The following BCAM variants were observed in gnomAD, a reference collection of about 807,000 sequenced individuals.
BCAM encodes the protein basal cell adhesion molecule (Lutheran blood group), also known as basal cell adhesion molecule.
A neutral mutation model predicts 72.4 loss-of-function variants in BCAM; 61 were observed. That is an observed-to-expected ratio of 0.84 (90% CI 0.69 to 1.04). The LOEUF is 1.04. Ranked by LOEUF, BCAM falls within the 50% of genes least tolerant of loss-of-function variation. The probability of loss-of-function intolerance (pLI) is 0.00; values close to 1 mark genes in which losing one functional copy is unlikely to be tolerated. For synonymous variants in BCAM, 408 were observed against 384.2 expected (o/e 1.06, Z -0.73); for missense variants, 909 against 895.0 (o/e 1.02, Z -0.20).
At position 44,821,272 on chromosome 19, in the gene BCAM, C is replaced by A. The variant is rs1040761496; in HGVS notation, c.*351C>A. 4.9e-5 allele frequency: 14 copies of A among 286,074 alleles called. No homozygotes were observed. The highest frequency in any genetic ancestry group is 4.8e-4 in the Admixed American group (9 of 18,828). 17.7% of individuals were successfully genotyped at this position (286,074 alleles called of 1,614,324 possible). A position where few individuals can be genotyped will look rare whatever the true frequency, so the allele number is the denominator to read the frequency against. ...CTCCCGCCTCCCCTGCTGGTCCCCC[C>A]ACCTGACGTCTTGCTGCAGAGTCTG... On this transcript the variant is annotated 3_prime_UTR_variant, in exon 15 of 15. Coordinates refer to ENST00000270233, the MANE Select transcript of BCAM (RefSeq NM_005581.5).
rs77853124 is a variant in BCAM, at chr19:44,811,589, A to T, written c.204+243A>T. The T allele has an allele frequency of 2.1e-3, 1,086 of 516,964 alleles. 8 individuals carry two copies. Among genetic ancestry groups the T allele is most frequent in the African/African-American group, 0.019 (989 of 51,514 alleles). 32.0% of individuals were successfully genotyped at this position (516,964 alleles called of 1,614,324 possible). On this transcript the variant is annotated intron_variant, in intron 2 of 14. Coordinates refer to ENST00000270233, the MANE Select transcript of BCAM (RefSeq NM_005581.5). ...CTCTTGAGAGAGAGAACAGAGACAG[A>T]CATCAAGAAAGCAGAAGCCAGGCAC...
chr19:44,810,183 G>T (rs1267217123), intron 1 of BCAM, among the ~76,000 whole-genome samples: 1 of 152,002 alleles, frequency 6.6e-6, no homozygotes, highest in Non-Finnish European at 1.5e-5. Context: ...GTGAGGGAGG[G>T]TGGTGGTTTT....
rs1246565245 is a variant in BCAM at position 44,813,761 on chromosome 19, ACTGACCT to A, written c.784+150_784+156del. ...AAAAAAAAATGTGCTAGTGCTGGCCACTGACCTCTGACCTCAATTGGTCGCACAAGCC... is the reference window on the plus strand; with the variant it reads ...AAAAAAAAATGTGCTAGTGCTGGCCACTGACCTCAATTGGTCGCACAAGCC... On this transcript the variant is annotated intron_variant, in intron 6 of 14. Transcript: ENST00000270233. This position sits in a 1 kb window ranked among gnomAD's most constrained non-coding sequence, Gnocchi z 4.2. 4 of 1,232,884 alleles carry A rather than the reference ACTGACCT, an allele frequency of 3.2e-6. No individual in the cohort carries two copies. In the African/African-American group the frequency reaches 4.6e-5, roughly 14 times the overall value. 76.4% of individuals were successfully genotyped at this position (1,232,884 alleles called of 1,614,324 possible).
chr19:44,811,412 A>T (rs1182071212), intron 2 of BCAM, 66 bp downstream of exon 2: 11 of 1,601,456 alleles, frequency 6.9e-6, no homozygotes, highest in Middle Eastern at 1.7e-4. Context: ...TCATTCTCTC[A>T]TCAGTGCCTA....
intron 11 of BCAM, 73 bp from the exon 12 acceptor site, chr19:44,819,273 G>A (rs973516903): frequency 4.6e-5 from 74 of 1,610,214 alleles, no homozygotes; most frequent in Non-Finnish European, 5.4e-5. Flanking sequence ...CTGGGAGACT[G>A]GACGTCGTTC....
rs142529933 is a variant in BCAM, at chr19:44,819,673, C to G, written c.1710C>G (p.Cys570Trp). The change falls in exon 13 of 15, where the codon TGC (cysteine) becomes TGG (tryptophan). Residue 570 changes from cysteine to tryptophan, a missense_variant. Transcript: ENST00000270233. ...TCCTCGTCGTTGCTGTCTTCTACTG[C>G]GTGAGACGCAAAGGGGGCCCCTGCT... The part of the protein sequence containing the change: ...LLLLVVAVFY[C>W]VRRKGGPCCR... 2 of 1,613,118 alleles carry G rather than the reference C, an allele frequency of 1.2e-6. No homozygotes were observed. The highest frequency in any genetic ancestry group is 2.2e-5 in the East Asian group (1 of 44,866).
At chr19:44,820,576 C>A in intron 13 of BCAM, 129 bp from the exon 14 acceptor site, 1 of 1,284,730 alleles carries the variant, frequency 7.8e-7, no homozygotes, top group Non-Finnish European at 9.8e-7. Flanking sequence ...GCCATCCCCA[C>A]CCAGCACACC....
chr19:44,815,326 C>T (rs1968490729), intron 8 of BCAM, among the ~76,000 whole-genome samples: 2 of 152,156 alleles, frequency 1.3e-5, no homozygotes, highest in South Asian at 4.1e-4. Context: ...TCATTCGCAT[C>T]CAGGCCCTGG....
In BCAM at chr19:44,811,752, G is replaced by T. The variant is rs969307932; in HGVS notation, c.204+406G>T. On this transcript the variant is annotated intron_variant, in intron 2 of 14. Coordinates refer to ENST00000270233, the MANE Select transcript of BCAM (RefSeq NM_005581.5). ...ATACAAAAATTAGCTGGGCGTGATG[G>T]CATGTGCCTGTAATCCCAGCTACTC... 5.1e-4 allele frequency: 160 copies of T among 313,928 alleles called. 1 individual carries two copies. Among genetic ancestry groups the T allele is most frequent in the South Asian group, 2.4e-3 (68 of 28,664 alleles). The allele number at this position is 313,928 out of a possible 1,614,324, so 19.4% of individuals were successfully genotyped here.
intron 8 of BCAM, among the ~76,000 whole-genome samples, chr19:44,817,977 G>C (rs773091586): frequency 6.6e-5 from 10 of 152,202 alleles, no homozygotes; most frequent in Non-Finnish European, 1.5e-4. Context: ...CAGAGGATTT[G>C]TCCTGGGAGC....
rs1188055577 is a variant in BCAM, at chr19:44,812,026, G to T, written c.205-137G>T. The stretch of plus-strand genomic sequence containing the variant: ...GAATGGGGGCAGGAGAAGGTGGGGA[G>T]GGACAGAGGGACCAGGGAGACCCAT... On this transcript the variant is annotated intron_variant, in intron 2 of 14. Transcript: ENST00000270233. This position sits in a 1 kb window ranked among gnomAD's most constrained non-coding sequence, Gnocchi z 5.3. 1 of 802,126 alleles carries T rather than the reference G, an allele frequency of 1.2e-6. No individual in the cohort carries two copies. The highest frequency in any genetic ancestry group is 1.8e-5 in the African/African-American group (1 of 56,934). The allele number at this position is 802,126 out of a possible 1,614,324, so 49.7% of individuals were successfully genotyped here.
At chr19:44,810,862 G>A (rs181360652) in intron 1 of BCAM, among the ~76,000 whole-genome samples, 1 of 152,254 alleles carries the variant, frequency 6.6e-6, no homozygotes, top group Admixed American at 6.5e-5. Context: ...GAGACCCAGA[G>A]ATGCAGGGAG....
intron 8 of BCAM, among the ~76,000 whole-genome samples, chr19:44,816,819 A>G (rs2122562128): frequency 6.6e-6 from 1 of 152,154 alleles, no homozygotes; most frequent in South Asian, 2.1e-4. Flanking sequence ...GGTGCCTGTA[A>G]TCCCAGCTAC....
chr19:44,813,456 G>GCACGGTCC lies in BCAM; in HGVS notation c.621_628dup (p.Arg210ProfsTer108). The stretch of plus-strand genomic sequence containing the variant: ...CTCCCAGAGGGCTACATGACCAGCC[G>GCACGGTCC]CACGGTCCGGGAGGCCTCGGGCCTG... On this transcript the variant is annotated frameshift_variant, in exon 6 of 15. Coordinates refer to ENST00000270233, the MANE Select transcript of BCAM (RefSeq NM_005581.5). LOFTEE classifies it high-confidence loss of function. The surrounding 1 kb of genome is among the most constrained non-coding windows in gnomAD (Gnocchi z 4.2). 6.2e-7 allele frequency: 1 copy of GCACGGTCC among 1,611,032 alleles called. No individual in the cohort carries two copies. Among genetic ancestry groups the GCACGGTCC allele is most frequent in the Non-Finnish European group, 8.5e-7 (1 of 1,179,534 alleles).
chr19:44,813,550 C>T lies in BCAM; in HGVS notation c.714C>T (p.Ala238=), dbSNP rs3810140. Reference sequence around the variant, plus strand: ...ACCGAGACGCCAGCTTCCACTGCGCCGCCCACTACAGCCTGCCCGAGGGCC... The same window carrying T: ...ACCGAGACGCCAGCTTCCACTGCGCTGCCCACTACAGCCTGCCCGAGGGCC... The part of the protein sequence containing the change: ...KDDRDASFHC[A]AHYSLPEGRH... Residue 238 remains alanine, a synonymous_variant, in exon 6 of 15, where the codon GCC becomes GCT. Coordinates refer to ENST00000270233, the MANE Select transcript of BCAM (RefSeq NM_005581.5). The surrounding 1 kb of genome is among the most constrained non-coding windows in gnomAD (Gnocchi z 4.2). 109,303 of 1,612,542 alleles carry T rather than the reference C, an allele frequency of 0.068. 4,688 individuals are homozygous for T. Among genetic ancestry groups the T allele is most frequent in the South Asian group, 0.18 (16,199 of 91,070 alleles).
intron 1 of BCAM, among the ~76,000 whole-genome samples, chr19:44,810,590 C>A (rs970939594): frequency 1.3e-5 from 2 of 152,096 alleles, no homozygotes; most frequent in Non-Finnish European, 2.9e-5. Context: ...AGATGGAGAC[C>A]CAAGAGGAGA....
Position 44,812,061 on chromosome 19 carries a change from A to G in BCAM, c.205-102A>G, listed in dbSNP as rs1968428295. ...GACCAGGGAGACCCATAACAAGAGGAAAAGAGGCAGAGCCAGGAGCTGCAG... is the reference window on the plus strand; with the variant it reads ...GACCAGGGAGACCCATAACAAGAGGGAAAGAGGCAGAGCCAGGAGCTGCAG... On this transcript the variant is annotated intron_variant, in intron 2 of 14. Coordinates refer to ENST00000270233, the MANE Select transcript of BCAM (RefSeq NM_005581.5). This position sits in a 1 kb window ranked among gnomAD's most constrained non-coding sequence, Gnocchi z 5.3. 3 of 1,171,980 alleles carry G rather than the reference A, an allele frequency of 2.6e-6. No individual in the cohort carries two copies. The highest frequency in any genetic ancestry group is 2.8e-5 in the South Asian group (2 of 72,088). The allele number at this position is 1,171,980 out of a possible 1,614,324, so 72.6% of individuals were successfully genotyped here.
In BCAM at chr19:44,814,737, A is replaced by G. The variant is rs1221452837; in HGVS notation, c.1055A>G (p.Lys352Arg). ...YDAADDVQLS[K>R]TLELRVAYLD... Reference sequence around the variant, plus strand: ...GCGGCAGATGACGTGCAGCTCTCCAAGACGCTGGAGCTGCGCGTGGCCTGT... The same window carrying G: ...GCGGCAGATGACGTGCAGCTCTCCAGGACGCTGGAGCTGCGCGTGGCCTGT... The change falls in exon 8 of 15, where the codon AAG becomes AGG. Residue 352 changes from lysine to arginine, a missense_variant. Coordinates refer to ENST00000270233, the MANE Select transcript of BCAM (RefSeq NM_005581.5). This position sits in a 1 kb window ranked among gnomAD's most constrained non-coding sequence, Gnocchi z 4.6. 1 of 1,613,288 alleles carries G rather than the reference A, an allele frequency of 6.2e-7. No homozygotes were observed. The highest frequency in any genetic ancestry group is 8.5e-7 in the Non-Finnish European group (1 of 1,179,916).
chr19:44,812,601 G>T lies in BCAM; in HGVS notation c.504+53G>T, dbSNP rs980426688. 5.6e-6 allele frequency: 9 copies of T among 1,600,050 alleles called. No homozygotes were observed. The African/African-American group carries it at 1.2e-4, about 21-fold the overall frequency. On this transcript the variant is annotated intron_variant, in intron 4 of 14. Coordinates refer to ENST00000270233, the MANE Select transcript of BCAM (RefSeq NM_005581.5). The surrounding 1 kb of genome is among the most constrained non-coding windows in gnomAD (Gnocchi z 5.3). ...GGGTCCTGGAGGAGGAGGGGACAGG[G>T]CCCTGGACTCCTGGGTCTGAGGGAG... is the stretch of plus-strand genomic sequence containing the variant.
Sources: allele counts gnomAD v4.1 joint callset (sites outside exome capture counted in the v4.1 genomes callset), GRCh38; gene constraint gnomAD v4.1.1; non-coding constraint Gnocchi (gnomAD v3.1); transcripts MANE v1.5; gene names NCBI Gene and HGNC (gene_info 2026-07-23, HGNC 2026-07-21).